The following HPSE2 variants were observed in gnomAD, a reference collection of about 807,000 sequenced individuals.
The protein encoded by HPSE2 is heparanase 2 (inactive), also known as inactive heparanase-2.
Under a neutral mutation model 60.5 loss-of-function variants are expected in HPSE2, and 38 were observed. That is an observed-to-expected ratio of 0.63 (90% CI 0.48 to 0.82). HPSE2 has a LOEUF of 0.82. Ranked by LOEUF, HPSE2 falls within the 40% of genes least tolerant of loss-of-function variation. The pLI is 0.00. For missense variants in HPSE2, 713 were observed against 740.4 expected, an observed-to-expected ratio of 0.96 and a Z score of 0.43; for synonymous variants, 295 against 293.2, an observed-to-expected ratio of 1.01 and a Z score of -0.06.
chr10:98,965,113 C>T (rs537641572), intron 3 of HPSE2, among the ~76,000 whole-genome samples: 110 of 152,242 alleles, frequency 7.2e-4, no homozygotes, highest in Non-Finnish European at 1.2e-3. Flanking sequence ...CCTGTACATA[C>T]CTACCAGAAT....
chr10:98,634,978 T>G (rs1946459741), intron 7 of HPSE2, among the ~76,000 whole-genome samples: 1 of 152,174 alleles, frequency 6.6e-6, no homozygotes, highest in Non-Finnish European at 1.5e-5. Flanking sequence ...GGTGGGTACT[T>G]CCCACCATGG....
chr10:98,478,659 C>T (rs1941117753), intron 11 of HPSE2, among the ~76,000 whole-genome samples: 1 of 152,182 alleles, frequency 6.6e-6, no homozygotes, highest in Non-Finnish European at 1.5e-5. Flanking sequence ...TTGGAGTATT[C>T]TAGGCCAAAT....
chr10:98,684,996 G>A (rs561966776), intron 6 of HPSE2, among the ~76,000 whole-genome samples: 1 of 152,120 alleles, frequency 6.6e-6, no homozygotes, highest in African/African-American at 2.4e-5. Context: ...TAATAGGTTA[G>A]GTTCTTTACC....
chr10:98,936,708 C>A (rs1236651504), intron 3 of HPSE2, among the ~76,000 whole-genome samples: 4 of 142,900 alleles, frequency 2.8e-5, no homozygotes, highest in Non-Finnish European at 6.0e-5. Context: ...TGGCCAGGTG[C>A]GGTGGCTCAC....
At chr10:98,622,966 T>C (rs1245824589) in intron 7 of HPSE2, among the ~76,000 whole-genome samples, 2 of 152,146 alleles carry the variant, frequency 1.3e-5, no homozygotes, top group Non-Finnish European at 2.9e-5. Context: ...TCCCTTAAAA[T>C]ATAGTGCTAA....
chr10:99,128,786 G>T (rs1564829666), intron 3 of HPSE2, among the ~76,000 whole-genome samples: 1 of 152,008 alleles, frequency 6.6e-6, no homozygotes. Context: ...CATAGCACAT[G>T]TTTACCTATG....
chr10:98,590,972 T>C (rs978095753), intron 9 of HPSE2, among the ~76,000 whole-genome samples: 6 of 152,212 alleles, frequency 3.9e-5, no homozygotes, highest in Non-Finnish European at 8.8e-5. Flanking sequence ...CATTAATATA[T>C]GTAAAATGCT....
intron 9 of HPSE2, among the ~76,000 whole-genome samples, chr10:98,611,634 C>G (rs1046503933): frequency 1.3e-5 from 2 of 152,184 alleles, no homozygotes; most frequent in Admixed American, 1.3e-4. Flanking sequence ...ATTACACATT[C>G]CAGGGGCCTG....
intron 9 of HPSE2, among the ~76,000 whole-genome samples, chr10:98,519,846 A>G (rs1484294375): frequency 6.6e-6 from 1 of 152,246 alleles, no homozygotes; most frequent in Admixed American, 6.5e-5. Flanking sequence ...CCCCTCCAGG[A>G]AAGCCTGTGG....
At chr10:98,688,888 A>G (rs528672613) in intron 6 of HPSE2, among the ~76,000 whole-genome samples, 1 of 152,000 alleles carries the variant, frequency 6.6e-6, no homozygotes, top group East Asian at 1.9e-4. Flanking sequence ...TTCTGGCTTT[A>G]CATTTTTTTT....
chr10:99,029,448 T>A (rs569386704), intron 3 of HPSE2, among the ~76,000 whole-genome samples: 7 of 152,176 alleles, frequency 4.6e-5, no homozygotes, highest in African/African-American at 1.4e-4. Context: ...AGACCGGTAG[T>A]GGCCCCAAAT....
intron 6 of HPSE2, among the ~76,000 whole-genome samples, chr10:98,666,104 C>CA (rs1947355836): frequency 6.6e-6 from 1 of 151,862 alleles, no homozygotes; most frequent in South Asian, 2.1e-4. Flanking sequence ...AACATGCAAA[C>CA]AGAAAGCAAA....
intron 3 of HPSE2, among the ~76,000 whole-genome samples, chr10:98,793,765 CAAG>C (rs1445852546): frequency 1.3e-5 from 2 of 152,136 alleles, no homozygotes; most frequent in Non-Finnish European, 2.9e-5. Flanking sequence ...CCAATGATGA[CAAG>C]AAGCCAGCAT....
intron 3 of HPSE2, among the ~76,000 whole-genome samples, chr10:99,112,160 C>T (rs2135681108): frequency 6.6e-6 from 1 of 152,314 alleles, no homozygotes; most frequent in Non-Finnish European, 1.5e-5. Flanking sequence ...AAATCCAGGT[C>T]TCTCAACTCT....
At chr10:99,151,361 T>C (rs1046032735) in intron 2 of HPSE2, among the ~76,000 whole-genome samples, 1 of 151,740 alleles carries the variant, frequency 6.6e-6, no homozygotes, top group African/African-American at 2.4e-5. Flanking sequence ...TGGGACAACA[T>C]GAAGCAATCA....
intron 9 of HPSE2, among the ~76,000 whole-genome samples, chr10:98,595,151 T>C (rs1411357593): frequency 1.3e-5 from 2 of 150,378 alleles, no homozygotes; most frequent in African/African-American, 4.9e-5. Context: ...TTTCTGTAGC[T>C]ATTATAAATG....
At chr10:98,748,325 T>C (rs1248123378) in intron 3 of HPSE2, among the ~76,000 whole-genome samples, 1 of 152,176 alleles carries the variant, frequency 6.6e-6, no homozygotes, top group African/African-American at 2.4e-5. Flanking sequence ...TAATTATTGC[T>C]AATCTAAGAC....
intron 6 of HPSE2, among the ~76,000 whole-genome samples, chr10:98,653,986 T>C (rs1946990612): frequency 6.6e-6 from 1 of 152,154 alleles, no homozygotes; most frequent in South Asian, 2.1e-4. Context: ...TTTTTTTTTT[T>C]CAACATTTTA....
intron 6 of HPSE2, among the ~76,000 whole-genome samples, chr10:98,673,358 A>C (rs1947555084): frequency 6.6e-6 from 1 of 152,142 alleles, no homozygotes; most frequent in African/African-American, 2.4e-5. Flanking sequence ...AAACCATAAA[A>C]ATACCTCTTT....
Sources: gnomAD v4.1 joint callset for allele counts (sites outside exome capture counted in the v4.1 genomes callset) on GRCh38, gnomAD v4.1.1 for gene constraint, MANE v1.5 for transcripts, NCBI Gene and HGNC (gene_info 2026-07-23, HGNC 2026-07-21) for gene names.